ZC3H13: variants seen among roughly 807,000 people sequenced by gnomAD.
ZC3H13 encodes zinc finger CCCH domain-containing protein 13.
In ZC3H13, 64 loss-of-function variants were observed where a neutral mutation model predicts 204.1. The ratio of observed to expected loss-of-function variants is 0.31; its 90% confidence interval spans 0.26 to 0.39. The LOEUF (loss-of-function observed/expected upper bound fraction) is 0.39. Among genes scored for constraint, ZC3H13 ranks in the 10% least tolerant of loss-of-function variants. ZC3H13 has a pLI of 1.00. For synonymous variants in ZC3H13, 667 were observed against 693.7 expected (o/e 0.96, Z 0.60); for missense variants, 1,833 against 2,082.7 (o/e 0.88, Z 2.33).
At chr13:45,990,040 T>C (rs2039860982) in intron 8 of ZC3H13, among the ~76,000 whole-genome samples, 1 of 152,228 alleles carries the variant, frequency 6.6e-6, no homozygotes, top group Middle Eastern at 3.2e-3. Flanking sequence ...TTTTTTAGTA[T>C]GTGCAGTGAT....
chr13:45,998,510 G>A (rs1264774262), intron 8 of ZC3H13, among the ~76,000 whole-genome samples: 3 of 151,872 alleles, frequency 2.0e-5, no homozygotes, highest in East Asian at 3.9e-4. Context: ...TTAGCTGGGC[G>A]TGGTGGTGGG....
At chr13:45,990,832 G>A (rs900667651) in intron 8 of ZC3H13, among the ~76,000 whole-genome samples, 2 of 151,986 alleles carry the variant, frequency 1.3e-5, no homozygotes, top group African/African-American at 4.8e-5. Context: ...GGGGGACAAG[G>A]TCTCGCTGTC....
At chr13:46,003,640 T>C (rs943481332) in intron 7 of ZC3H13, among the ~76,000 whole-genome samples, 3 of 151,970 alleles carry the variant, frequency 2.0e-5, no homozygotes, top group Non-Finnish European at 4.4e-5. Context: ...CTGTTTAAAC[T>C]GTTTTTTTTT....
Position 46,010,575 on chromosome 13 carries a change from T to C in ZC3H13, c.589-70A>G, listed in dbSNP as rs1000461352. On this transcript the variant is annotated intron_variant, in intron 6 of 18. Coordinates refer to ENST00000679008, the MANE Select transcript of ZC3H13 (RefSeq NM_001330564.2). ...TGGTACAACAAGACTTACAGTATTT[T>C]AGAATCACACCAAACTTCAGATTAA... 2.7e-6 allele frequency: 4 copies of C among 1,482,530 alleles called. No individual in the cohort carries two copies. The Admixed American group carries it at 5.7e-5, about 21-fold the overall frequency. The allele number at this position is 1,482,530 out of a possible 1,614,324, so 91.8% of individuals were successfully genotyped here.
intron 17 of ZC3H13, among the ~76,000 whole-genome samples, chr13:45,961,379 C>T (rs1951673025): frequency 1.3e-5 from 2 of 151,896 alleles, no homozygotes; most frequent in African/African-American, 2.4e-5. Context: ...CAAACCTCCT[C>T]AGGGAGTATA....
At position 46,036,891 on chromosome 13, in the gene ZC3H13, G is replaced by C. The variant is rs1042410379; in HGVS notation, c.339+5273C>G. Among the ~76,000 whole-genome samples the C allele has an allele frequency of 4.6e-5, 7 of 151,874 alleles. No homozygotes were observed. The East Asian group carries it at 1.2e-3, about 25-fold the overall frequency. On this transcript the variant is annotated intron_variant, in intron 4 of 18. Transcript: ENST00000679008. The stretch of plus-strand genomic sequence containing the variant: ...GAGCCACCACACCTGGCTAATTTTT[G>C]CATTTTTAGTAGAGACGGGGTTTTG...
At chr13:45,978,389 T>C (rs1953248622) in intron 11 of ZC3H13, among the ~76,000 whole-genome samples, 2 of 152,082 alleles carry the variant, frequency 1.3e-5, no homozygotes, top group Admixed American at 6.6e-5. Context: ...CTCATAATTA[T>C]TGAAGTAGTT....
chr13:46,031,587 T>C (rs2138991845), intron 4 of ZC3H13, among the ~76,000 whole-genome samples: 1 of 151,050 alleles, frequency 6.6e-6, no homozygotes, highest in South Asian at 2.1e-4. Context: ...TAAAATTGAA[T>C]AATAAGAAAA....
In ZC3H13 at chr13:45,969,298, C is replaced by T; in HGVS notation, c.3246G>A (p.Glu1082=). Residue 1082 remains glutamate, a synonymous_variant, in exon 14 of 19, where the codon GAG becomes GAA. Transcript: ENST00000679008. ...VPDRTEVTEA[E]HTATATTPGS... ...CAGGAGTCGTGGCGGTGGCAGTATG[C>T]TCTGCTTCTGTCACCTCTGTACGGT... 6.2e-7 allele frequency: 1 copy of T among 1,613,860 alleles called. No individual in the cohort carries two copies. Among genetic ancestry groups the T allele is most frequent in the South Asian group, 1.1e-5 (1 of 91,080 alleles).
intron 5 of ZC3H13, among the ~76,000 whole-genome samples, chr13:46,018,447 G>A (rs1336885595): frequency 6.6e-6 from 1 of 152,092 alleles, no homozygotes; most frequent in Admixed American, 6.6e-5. Context: ...ATAGAAGAGA[G>A]TGTATCACAA....
At position 45,969,746 on chromosome 13, in the gene ZC3H13, C is replaced by T. The variant is rs148773401; in HGVS notation, c.2798G>A (p.Arg933His). 2.5e-5 allele frequency: 41 copies of T among 1,613,706 alleles called. 1 individual carries two copies. Among genetic ancestry groups the T allele is most frequent in the South Asian group, 2.4e-4 (22 of 91,078 alleles). The change falls in exon 14 of 19, where the codon CGT becomes CAT. Residue 933 changes from arginine to histidine, a missense_variant. Transcript: ENST00000679008. ...QTEILESSRM[R>H]AQDIIGHHQS... The stretch of plus-strand genomic sequence containing the variant: ...GTGGTGTCCTATAATGTCCTGTGCA[C>T]GCATTCTTGAGCTTTCCAGGATTTC...
chr13:45,999,320 A>C (rs1305485113), intron 8 of ZC3H13, among the ~76,000 whole-genome samples: 4 of 152,178 alleles, frequency 2.6e-5, no homozygotes, highest in African/African-American at 9.7e-5. Context: ...TACACAAAAA[A>C]CAAACCTGGA....
intron 7 of ZC3H13, 78 bp from the exon 8 acceptor site, chr13:46,003,414 A>G (rs1248297762): frequency 7.3e-7 from 1 of 1,370,306 alleles, no homozygotes; most frequent in Middle Eastern, 1.8e-4. Flanking sequence ...TAAAAACAGC[A>G]GCGTTCCTTT....
At chr13:45,959,098 T>C (rs557342467) in intron 18 of ZC3H13, among the ~76,000 whole-genome samples, 2 of 152,244 alleles carry the variant, frequency 1.3e-5, no homozygotes, top group Non-Finnish European at 2.9e-5. Flanking sequence ...TTATATAGAG[T>C]CGCTTTATTT....
At chr13:46,029,427 CTT>C (rs964729202) in intron 4 of ZC3H13, among the ~76,000 whole-genome samples, 11 of 138,806 alleles carry the variant, frequency 7.9e-5, no homozygotes, top group Admixed American at 1.5e-4. Context: ...TGGACTACTT[CTT>C]TTTTTTTTTT....
chr13:45,986,335 A>G (rs1162332087), intron 9 of ZC3H13, among the ~76,000 whole-genome samples: 1 of 152,142 alleles, frequency 6.6e-6, no homozygotes, highest in Non-Finnish European at 1.5e-5. Context: ...GCATGTACCT[A>G]CAGTGCCAGC....
intron 4 of ZC3H13, among the ~76,000 whole-genome samples, chr13:46,033,866 A>G (rs953116659): frequency 2.0e-5 from 3 of 152,082 alleles, no homozygotes; most frequent in Non-Finnish European, 2.9e-5. Context: ...AGACACCACA[A>G]AAAAAAATAA....
chr13:46,004,123 C>G (rs937077749), intron 7 of ZC3H13, among the ~76,000 whole-genome samples: 1 of 143,806 alleles, frequency 7.0e-6, no homozygotes, highest in Admixed American at 7.1e-5. Context: ...TTTCTCTCAT[C>G]ATTGGAAATG....
At chr13:45,988,761 TA>T (rs767304147) in intron 9 of ZC3H13, 25 bp downstream of exon 9, 6 of 1,568,138 alleles carry the variant, frequency 3.8e-6, no homozygotes, top group Non-Finnish European at 5.2e-6. Context: ...ATTTTTCAAT[TA>T]AAAAAATCAA....
Sources: gnomAD v4.1 joint callset for allele counts (sites outside exome capture counted in the v4.1 genomes callset) on GRCh38, gnomAD v4.1.1 for gene constraint, MANE v1.5 for transcripts, NCBI Gene and HGNC (gene_info 2026-07-23, HGNC 2026-07-21) for gene names.